The following DMD variants were observed in gnomAD, a reference collection of about 807,000 sequenced individuals.
DMD encodes the protein mutant dystrophin.
DMD carries 63 observed loss-of-function variants against 330.1 expected under a neutral mutation model. The ratio of observed to expected loss-of-function variants is 0.19; its 90% CI spans 0.16 to 0.24. The LOEUF is 0.24. DMD is among the 10% of genes least tolerant of loss of function. The pLI, the probability that DMD is intolerant of heterozygous loss-of-function variation, is 1.00. For synonymous variants in DMD, 1,223 were observed against 959.8 expected, an observed-to-expected ratio of 1.27 and a Z score of -5.07; for missense variants, 3,344 against 2,684.1, an observed-to-expected ratio of 1.25 and a Z score of -5.43.
chrX:33,306,622 ACTC>A (rs777975854), intron 1 of DMD, among the ~76,000 whole-genome samples: 210 of 108,587 alleles, frequency 1.9e-3, no homozygotes, highest in Middle Eastern at 4.8e-3. Flanking sequence ...AGGCTTGAAA[ACTC>A]CTGGCATGTT....
intron 11 of DMD, among the ~76,000 whole-genome samples, chrX:32,633,968 C>T (rs779636526): frequency 6.3e-5 from 7 of 111,919 alleles, no homozygotes; most frequent in Admixed American, 1.9e-4. Flanking sequence ...TACAATTCAA[C>T]GTGAGATTTG....
chrX:31,473,656 C>A (rs1483933847), intron 59 of DMD, among the ~76,000 whole-genome samples: 1 of 95,529 alleles, frequency 1.0e-5, no homozygotes, highest in Non-Finnish European at 2.0e-5. Context: ...GGAGGTTCAG[C>A]GAGCCGAGAT....
chrX:31,443,844 A>G (rs1213496256), intron 60 of DMD, among the ~76,000 whole-genome samples: 3 of 111,858 alleles, frequency 2.7e-5, no homozygotes, highest in Non-Finnish European at 5.6e-5. Context: ...ATCTTCCATC[A>G]TGATTCAGCA....
At chrX:31,612,317 T>C (rs1450251237) in intron 55 of DMD, among the ~76,000 whole-genome samples, 1 of 112,166 alleles carries the variant, frequency 8.9e-6, no homozygotes, top group Admixed American at 9.5e-5. Context: ...TGCTGAATTC[T>C]TTTAACTTCT....
intron 55 of DMD, among the ~76,000 whole-genome samples, chrX:31,574,364 C>T (rs540341284): frequency 1.8e-5 from 2 of 109,673 alleles, no homozygotes; most frequent in South Asian, 4.0e-4. Flanking sequence ...AGGATGGTCT[C>T]GATCTCCTGA....
At chrX:31,151,150 C>T (rs2037366329) in intron 74 of DMD, among the ~76,000 whole-genome samples, 1 of 112,167 alleles carries the variant, frequency 8.9e-6, no homozygotes, top group Non-Finnish European at 1.9e-5. Context: ...TAACTGTCCA[C>T]ATTAATTAAA....
At chrX:31,427,013 G>T (rs1241026956) in intron 60 of DMD, among the ~76,000 whole-genome samples, 3 of 111,859 alleles carry the variant, frequency 2.7e-5, no homozygotes, top group Non-Finnish European at 5.6e-5. Context: ...AGGTAAAAAG[G>T]TCAAAACAAT....
chrX:32,852,887 C>CAGAT (rs2081251212), intron 2 of DMD, among the ~76,000 whole-genome samples: 1 of 107,746 alleles, frequency 9.3e-6, no homozygotes, highest in Non-Finnish European at 1.9e-5. Context: ...AAGAGAGCAC[C>CAGAT]AGATAGATTC....
intron 55 of DMD, among the ~76,000 whole-genome samples, chrX:31,585,323 C>CAAAA (rs1213158531): frequency 8.4e-4 from 30 of 35,842 alleles, no homozygotes; most frequent in Non-Finnish European, 1.0e-3. Context: ...GACCCTGTCT[C>CAAAA]AAAAAAAAAA....
intron 1 of DMD, among the ~76,000 whole-genome samples, chrX:33,161,544 G>A (rs767376817): frequency 3.6e-5 from 4 of 111,338 alleles, no homozygotes; most frequent in Middle Eastern, 4.7e-3. Flanking sequence ...CCAAATTTAC[G>A]TGACTAATGA....
intron 33 of DMD, among the ~76,000 whole-genome samples, chrX:32,382,917 G>A (rs1263786675): frequency 1.8e-5 from 2 of 110,761 alleles, no homozygotes; most frequent in Non-Finnish European, 3.8e-5. Flanking sequence ...CTTTGTGTGT[G>A]TATGCGAGGA....
At chrX:31,282,606 G>T (rs1269176875) in intron 62 of DMD, among the ~76,000 whole-genome samples, 1 of 111,506 alleles carries the variant, frequency 9.0e-6, no homozygotes, top group Non-Finnish European at 1.9e-5. Flanking sequence ...TGGTAAAACA[G>T]TTTTCAGAGA....
At chrX:32,352,762 C>T in intron 37 of DMD, among the ~76,000 whole-genome samples, 1 of 110,696 alleles carries the variant, frequency 9.0e-6, no homozygotes. Flanking sequence ...TTCAGGCAGT[C>T]CTCGGGGTAT....
chrX:31,932,760 A>G (rs191187164), intron 45 of DMD, among the ~76,000 whole-genome samples: 1 of 110,701 alleles, frequency 9.0e-6, no homozygotes, highest in East Asian at 2.8e-4. Context: ...ACATACATAC[A>G]TACGTACGTA....
intron 16 of DMD, among the ~76,000 whole-genome samples, chrX:32,550,406 TTAAGGCAGAAATCAA>T (rs2049421277): frequency 9.0e-6 from 1 of 111,258 alleles, no homozygotes; most frequent in African/African-American, 3.3e-5. Flanking sequence ...AACAATAAAA[TTAAGGCAGAAATCAA>T]GAAATTATTT....
chrX:33,272,678 A>C (rs1442431921), intron 1 of DMD, among the ~76,000 whole-genome samples: 5 of 103,435 alleles, frequency 4.8e-5, no homozygotes, highest in African/African-American at 1.9e-4. Context: ...AAAAAAAAAA[A>C]CACACACACA....
At chrX:32,636,381 C>G (rs925529881) in intron 11 of DMD, among the ~76,000 whole-genome samples, 1 of 111,808 alleles carries the variant, frequency 8.9e-6, no homozygotes, top group Admixed American at 9.5e-5. Context: ...AGTTCCCCAT[C>G]CAACAACTAG....
chrX:32,783,248 A>G (rs745958558), intron 7 of DMD, among the ~76,000 whole-genome samples: 17 of 100,250 alleles, frequency 1.7e-4, no homozygotes, highest in Middle Eastern at 5.7e-3. Flanking sequence ...ACATATGTGT[A>G]TATACGTATA....
intron 17 of DMD, among the ~76,000 whole-genome samples, chrX:32,532,798 A>G (rs1008032375): frequency 8.9e-6 from 1 of 112,277 alleles, no homozygotes; most frequent in African/African-American, 3.2e-5. Flanking sequence ...AATTGGAATA[A>G]CAAGAATAAA....
Sources: gnomAD v4.1 joint callset for allele counts (sites outside exome capture counted in the v4.1 genomes callset) on GRCh38, gnomAD v4.1.1 for gene constraint, MANE v1.5 for transcripts, NCBI Gene and HGNC (gene_info 2026-07-23, HGNC 2026-07-21) for gene names.